RUNX1: variants seen among roughly 807,000 people sequenced by gnomAD.
RUNX1 encodes runt-related transcription factor 1.
RUNX1 carries 19 observed loss-of-function variants against 42.8 expected under a neutral mutation model. The observed-to-expected ratio is 0.44, with a 90% CI of 0.31 to 0.65. RUNX1 has a LOEUF of 0.65. Ranked by LOEUF, RUNX1 falls within the 30% of genes least tolerant of loss-of-function variation. The pLI, the probability that RUNX1 is intolerant of heterozygous loss-of-function variation, is 0.07. For missense variants in RUNX1, 528 were observed against 672.0 expected (o/e 0.79, Z 2.37); for synonymous variants, 271 against 289.4 (o/e 0.94, Z 0.64).
chr21:34,882,887 A>G (rs530362910), intron 4 of RUNX1, among the ~76,000 whole-genome samples: 2 of 152,246 alleles, frequency 1.3e-5, no homozygotes, highest in South Asian at 4.1e-4. Flanking sequence ...AGGCTTCTCT[A>G]TTGTAACTCA....
intron 4 of RUNX1, among the ~76,000 whole-genome samples, chr21:34,884,953 T>C (rs899217579): frequency 6.6e-6 from 1 of 152,238 alleles, no homozygotes; most frequent in Non-Finnish European, 1.5e-5. Context: ...TCTATGGTTA[T>C]TATGGTTTCT....
chr21:34,917,960 C>A (rs943674692), intron 2 of RUNX1, among the ~76,000 whole-genome samples: 1 of 151,880 alleles, frequency 6.6e-6, no homozygotes, highest in African/African-American at 2.4e-5. Flanking sequence ...GAAACCCTGT[C>A]TCTACTAAAA....
At chr21:35,040,154 G>A (rs1163318380) in intron 2 of RUNX1, among the ~76,000 whole-genome samples, 1 of 152,218 alleles carries the variant, frequency 6.6e-6, no homozygotes, top group African/African-American at 2.4e-5. Flanking sequence ...AGCTGTGACT[G>A]TTACCGAGCT....
In RUNX1 at chr21:34,793,849, G is replaced by A. The variant is rs571945891; in HGVS notation, c.968-1239C>T. Reference sequence around the variant, plus strand: ...CTCCCGAGTAGCTGGGATTACAGGCGCCCGCCACCAGGCCTGGCCAATTTT... The same window carrying A: ...CTCCCGAGTAGCTGGGATTACAGGCACCCGCCACCAGGCCTGGCCAATTTT... On this transcript the variant is annotated intron_variant, in intron 8 of 8. Transcript: ENST00000675419. Among the ~76,000 whole-genome samples the A allele has an allele frequency of 4.6e-5, 7 of 151,566 alleles. No homozygotes were observed. The East Asian group carries it at 1.2e-3, about 25-fold the overall frequency.
At chr21:34,825,989 G>A (rs1335282663) in intron 7 of RUNX1, among the ~76,000 whole-genome samples, 3 of 152,210 alleles carry the variant, frequency 2.0e-5, no homozygotes, top group Non-Finnish European at 4.4e-5. Context: ...GTATGGTCTT[G>A]CCAACACTTT....
chr21:34,857,916 G>A (rs546288853), intron 6 of RUNX1, among the ~76,000 whole-genome samples: 7 of 152,330 alleles, frequency 4.6e-5, no homozygotes, highest in Admixed American at 1.3e-4. Context: ...AGAAGAATCA[G>A]GGTCTGTTAT....
At chr21:34,966,155 G>A (rs2058716831) in intron 2 of RUNX1, among the ~76,000 whole-genome samples, 1 of 152,192 alleles carries the variant, frequency 6.6e-6, no homozygotes, top group African/African-American at 2.4e-5. Context: ...TCAGAAAACT[G>A]AGGCTGAGAG....
chr21:35,031,240 C>T (rs2059270827), intron 2 of RUNX1, among the ~76,000 whole-genome samples: 1 of 152,122 alleles, frequency 6.6e-6, no homozygotes, highest in Non-Finnish European at 1.5e-5. Context: ...CCCAGCTACT[C>T]GGGAGGCTGA....
At chr21:35,048,317 G>A (rs894669420) in intron 2 of RUNX1, among the ~76,000 whole-genome samples, 6 of 152,190 alleles carry the variant, frequency 3.9e-5, no homozygotes, top group Non-Finnish European at 1.5e-5. Flanking sequence ...TGCCACTTTG[G>A]CCCTGAAGTC....
At chr21:34,859,228 C>G (rs1338001667) in intron 6 of RUNX1, 10 of 553,610 alleles carry the variant, frequency 1.8e-5, no homozygotes, top group Non-Finnish European at 3.3e-5. Context: ...ATGGTTCTAA[C>G]ATATGATTCA....
chr21:34,928,921 T>C (rs1285111268), intron 2 of RUNX1, among the ~76,000 whole-genome samples: 1 of 141,474 alleles, frequency 7.1e-6, no homozygotes, highest in South Asian at 2.4e-4. Flanking sequence ...GCTCAGAAAA[T>C]CCCTGAGAGT....
intron 7 of RUNX1, among the ~76,000 whole-genome samples, chr21:34,813,233 C>A (rs1428700713): frequency 6.6e-6 from 1 of 152,042 alleles, no homozygotes; most frequent in Non-Finnish European, 1.5e-5. Context: ...CACAGGATGG[C>A]CCCTACAACA....
chr21:34,855,197 G>T (rs1440987133), intron 6 of RUNX1, among the ~76,000 whole-genome samples: 1 of 151,998 alleles, frequency 6.6e-6, no homozygotes, highest in East Asian at 1.9e-4. Context: ...GGTCAGTTAG[G>T]GTCCCCACTG....
At chr21:34,827,283 G>C (rs1218279233) in intron 7 of RUNX1, among the ~76,000 whole-genome samples, 1 of 152,222 alleles carries the variant, frequency 6.6e-6, no homozygotes, top group Non-Finnish European at 1.5e-5. Context: ...AAGCATTGAG[G>C]CTGCTGTGTG....
rs114497762 is a variant in RUNX1 at position 34,907,832 on chromosome 21, G to A, written c.59-14869C>T. Among the ~76,000 whole-genome samples, 698 of 152,094 alleles carry A rather than the reference G, an allele frequency of 4.6e-3. 9 individuals are homozygous for A. Among genetic ancestry groups the A allele is most frequent in the African/African-American group, 0.015 (634 of 41,384 alleles). ...GCATTGGGTCATTTCGTTCAGAGGC[G>A]AAAAGATTCTTAGCAAACATTGGGT... On this transcript the variant is annotated intron_variant, in intron 2 of 8. Coordinates refer to ENST00000675419, the MANE Select transcript of RUNX1 (RefSeq NM_001754.5). The surrounding 1 kb of genome is among the most constrained non-coding windows in gnomAD (Gnocchi z 5.3).
At chr21:34,795,329 T>G (rs1454404762) in intron 8 of RUNX1, among the ~76,000 whole-genome samples, 1 of 152,112 alleles carries the variant, frequency 6.6e-6, no homozygotes, top group African/African-American at 2.4e-5. Flanking sequence ...GCTAGTGTGT[T>G]TTCTCTCTCT....
intron 2 of RUNX1, among the ~76,000 whole-genome samples, chr21:35,018,077 G>A (rs2059172378): frequency 6.6e-6 from 1 of 152,180 alleles, no homozygotes; most frequent in African/African-American, 2.4e-5. Flanking sequence ...CCAGGCTGGA[G>A]TGCACTGGTG....
chr21:34,947,838 T>C (rs1372232246), intron 2 of RUNX1, among the ~76,000 whole-genome samples: 1 of 152,226 alleles, frequency 6.6e-6, no homozygotes, highest in African/African-American at 2.4e-5. Flanking sequence ...GAGGTCCTTA[T>C]AGAAGCGCTT....
At chr21:34,932,520 C>G (rs900636302) in intron 2 of RUNX1, among the ~76,000 whole-genome samples, 6 of 152,248 alleles carry the variant, frequency 3.9e-5, no homozygotes, top group Admixed American at 2.6e-4. Flanking sequence ...TTTTAGAAAA[C>G]CATGCCGGTG....
Sources: gnomAD v4.1 joint callset for allele counts (sites outside exome capture counted in the v4.1 genomes callset) on GRCh38, gnomAD v4.1.1 for gene constraint, Gnocchi (gnomAD v3.1) non-coding constraint, MANE v1.5 for transcripts, NCBI Gene and HGNC (gene_info 2026-07-23, HGNC 2026-07-21) for gene names.